Variants in CPS1 observed in about 807,000 individuals in gnomAD.
CPS1 encodes the protein carbamoyl-phosphate synthase 1.
Under a neutral mutation model 174.6 loss-of-function variants are expected in CPS1, and 109 were observed. The observed-to-expected ratio is 0.62, with a 90% CI of 0.53 to 0.73. The LOEUF (loss-of-function observed/expected upper bound fraction) is 0.73. Among genes scored for constraint, CPS1 ranks in the 30% least tolerant of loss-of-function variants. CPS1 has a pLI of 0.00. For synonymous variants in CPS1, 637 were observed against 632.0 expected (o/e 1.01, Z -0.12); for missense variants, 1,689 against 1,821.9 (o/e 0.93, Z 1.33).
chr2:210,521,316 CAT>C (rs1026906710), intron 1 of CPS1, among the ~76,000 whole-genome samples: 37 of 151,568 alleles, frequency 2.4e-4, no homozygotes, highest in African/African-American at 8.0e-4. Context: ...TTTCTTTCTA[CAT>C]GTTTCCTTTT....
At chr2:210,544,520 T>C (rs1195604225) in intron 1 of CPS1, among the ~76,000 whole-genome samples, 1 of 152,094 alleles carries the variant, frequency 6.6e-6, no homozygotes, top group East Asian at 1.9e-4. Context: ...ATATATTTAA[T>C]ATTAAAACTC....
At chr2:210,671,205 G>GC (rs1701289382) in intron 34 of CPS1, among the ~76,000 whole-genome samples, 2 of 152,182 alleles carry the variant, frequency 1.3e-5, no homozygotes, top group African/African-American at 4.8e-5. Context: ...ATTCAGTGAT[G>GC]CTTGTGGAGT....
At chr2:210,580,389 G>A (rs1697882325) in intron 5 of CPS1, among the ~76,000 whole-genome samples, 1 of 151,884 alleles carries the variant, frequency 6.6e-6, no homozygotes, top group Admixed American at 6.6e-5. Flanking sequence ...CCCCTCCTCT[G>A]AGAATATCTC....
chr2:210,616,677 G>T, intron 21 of CPS1, 136 bp downstream of exon 21: 1 of 695,742 alleles, frequency 1.4e-6, no homozygotes, highest in Non-Finnish European at 2.6e-6. Flanking sequence ...AATAGTACCC[G>T]TAGCCAGAAG....
chr2:210,526,690 A>T (rs1386216925), intron 1 of CPS1, among the ~76,000 whole-genome samples: 2 of 151,966 alleles, frequency 1.3e-5, no homozygotes, highest in Non-Finnish European at 1.5e-5. Context: ...GGTTACTGTT[A>T]AAAAGTGCTT....
chr2:210,591,800 T>C, intron 9 of CPS1, 31 bp from the exon 10 acceptor site: 1 of 1,608,534 alleles, frequency 6.2e-7, no homozygotes, highest in South Asian at 1.1e-5. Context: ...ACTTTTCCTT[T>C]TCCCTATTCT....
chr2:210,648,362 C>G, intron 26 of CPS1, 111 bp from the exon 27 acceptor site: 2 of 874,378 alleles, frequency 2.3e-6, no homozygotes, highest in Admixed American at 4.3e-5. Context: ...TTTAATGGTG[C>G]CTTTAGAGAA....
Position 210,612,115 on chromosome 2 carries a change from A to C in CPS1, c.2392-2A>C. 1 of 1,611,586 alleles carries C rather than the reference A, an allele frequency of 6.2e-7. No individual in the cohort carries two copies. Among genetic ancestry groups the C allele is most frequent in the South Asian group, 1.1e-5 (1 of 91,050 alleles). ...ATATGAGGTCTTAAACATGTATTACAGGTCATGGCTATTGGTCGTACCTTT... is the reference window on the plus strand; with the variant it reads ...ATATGAGGTCTTAAACATGTATTACCGGTCATGGCTATTGGTCGTACCTTT... On this transcript the variant is annotated splice_acceptor_variant, in intron 19 of 37. Transcript: ENST00000233072. LOFTEE classifies it high-confidence loss of function.
At chr2:210,534,663 C>G (rs543322471) in intron 1 of CPS1, among the ~76,000 whole-genome samples, 5 of 152,308 alleles carry the variant, frequency 3.3e-5, no homozygotes, top group Admixed American at 1.3e-4. Flanking sequence ...CTCAGGTATA[C>G]AGAAATGAAA....
chr2:210,585,924 C>A (rs1698092877), intron 6 of CPS1, among the ~76,000 whole-genome samples: 1 of 151,598 alleles, frequency 6.6e-6, no homozygotes, highest in Admixed American at 6.6e-5. Flanking sequence ...TTCCCATGCC[C>A]TTCCTGACAC....
chr2:210,511,852 T>G (rs1695503770), intron 1 of CPS1, among the ~76,000 whole-genome samples: 1 of 152,120 alleles, frequency 6.6e-6, no homozygotes, highest in Admixed American at 6.6e-5. Flanking sequence ...TGTATTTTTC[T>G]TATTTACACA....
chr2:210,527,308 G>T (rs1298839203), intron 1 of CPS1, among the ~76,000 whole-genome samples: 1 of 151,840 alleles, frequency 6.6e-6, no homozygotes, highest in Non-Finnish European at 1.5e-5. Flanking sequence ...CCAGCTAACT[G>T]CAGGACTCCC....
chr2:210,588,234 T>C (rs1396259029), intron 7 of CPS1, 87 bp downstream of exon 7: 29 of 1,170,672 alleles, frequency 2.5e-5, no homozygotes, highest in Non-Finnish European at 3.2e-5. Flanking sequence ...GAGAAACTTA[T>C]GCATTCTTTC....
chr2:210,536,413 C>T (rs1270584134), intron 1 of CPS1, among the ~76,000 whole-genome samples: 7 of 151,284 alleles, frequency 4.6e-5, no homozygotes, highest in Admixed American at 2.0e-4. Flanking sequence ...CTCCGCCTCC[C>T]GGGTTCACGC....
chr2:210,593,460 A>G (rs1369200410), intron 11 of CPS1: 1 of 994,548 alleles, frequency 1.0e-6, no homozygotes, highest in African/African-American at 1.7e-5. Flanking sequence ...GGCTTCAGAA[A>G]AGAACCACAA....
chr2:210,591,396 G>T (rs1698291514), intron 9 of CPS1, among the ~76,000 whole-genome samples: 1 of 151,804 alleles, frequency 6.6e-6, no homozygotes, highest in African/African-American at 2.4e-5. Flanking sequence ...TAAACATCAG[G>T]CTTTTTCCCA....
At chr2:210,651,219 A>G (rs1265815870) in intron 28 of CPS1, among the ~76,000 whole-genome samples, 1 of 152,048 alleles carries the variant, frequency 6.6e-6, no homozygotes, top group Non-Finnish European at 1.5e-5. Flanking sequence ...TGGAGGGAGG[A>G]AGAGTGAAAT....
At chr2:210,651,511 C>T (rs1700557678) in intron 28 of CPS1, among the ~76,000 whole-genome samples, 1 of 152,176 alleles carries the variant, frequency 6.6e-6, no homozygotes, top group Non-Finnish European at 1.5e-5. Context: ...TTATTCCTGG[C>T]CAGGGGTCCT....
upstream of CPS1, among the ~76,000 whole-genome samples, chr2:210,555,913 GTGC>G (rs1360852880): frequency 6.6e-6 from 1 of 152,024 alleles, no homozygotes; most frequent in Non-Finnish European, 1.5e-5. Flanking sequence ...CTTAGGAATA[GTGC>G]TTATATTAAA....
Sources: gnomAD v4.1 joint callset for allele counts (sites outside exome capture counted in the v4.1 genomes callset) on GRCh38, gnomAD v4.1.1 for gene constraint, MANE v1.5 for transcripts, NCBI Gene and HGNC (gene_info 2026-07-23, HGNC 2026-07-21) for gene names.